The following CCDC60 variants were observed in gnomAD, a reference collection of about 807,000 sequenced individuals.
CCDC60 encodes the protein coiled-coil domain containing 60.
CCDC60 carries 54 observed loss-of-function variants against 63.5 expected under a neutral mutation model. That is an observed-to-expected ratio of 0.85 (90% confidence interval 0.68 to 1.07). CCDC60 has a LOEUF of 1.07. CCDC60 is among the 50% of genes least tolerant of loss of function. The pLI, the probability that CCDC60 is intolerant of heterozygous loss-of-function variation, is 0.00. For missense variants in CCDC60, 651 were observed against 684.3 expected, an observed-to-expected ratio of 0.95 and a Z score of 0.54; for synonymous variants, 206 against 238.8, an observed-to-expected ratio of 0.86 and a Z score of 1.27.
chr12:119,391,027 G>A (rs1294995956), intron 1 of CCDC60, among the ~76,000 whole-genome samples: 1 of 152,182 alleles, frequency 6.6e-6, no homozygotes, highest in Admixed American at 6.5e-5. Context: ...TTTAGGTTAG[G>A]TCTTAACCAC....
intron 1 of CCDC60, among the ~76,000 whole-genome samples, chr12:119,384,514 C>G (rs1956040417): frequency 6.6e-6 from 1 of 152,188 alleles, no homozygotes; most frequent in Non-Finnish European, 1.5e-5. Flanking sequence ...CCACTGACAG[C>G]AGATCAAGGC....
chr12:119,474,625 T>C (rs1951137073), intron 3 of CCDC60, among the ~76,000 whole-genome samples: 1 of 152,188 alleles, frequency 6.6e-6, no homozygotes, highest in Non-Finnish European at 1.5e-5. Context: ...GAGGTTATGG[T>C]TGTACAACAT....
chr12:119,490,123 C>T (rs1228218011), intron 5 of CCDC60, among the ~76,000 whole-genome samples: 1 of 152,138 alleles, frequency 6.6e-6, no homozygotes, highest in East Asian at 1.9e-4. Flanking sequence ...TAACTTCTTC[C>T]TCTTGAAGAC....
chr12:119,462,740 C>T (rs1950877956), intron 2 of CCDC60, among the ~76,000 whole-genome samples: 2 of 152,124 alleles, frequency 1.3e-5, no homozygotes, highest in Non-Finnish European at 2.9e-5. Context: ...CCTGCCTCAG[C>T]CTTTCAAGTA....
intron 1 of CCDC60, among the ~76,000 whole-genome samples, chr12:119,402,047 G>C (rs1487994002): frequency 6.6e-6 from 1 of 152,188 alleles, no homozygotes; most frequent in East Asian, 1.9e-4. Flanking sequence ...ATCACTGGAG[G>C]TGCAGCCTCA....
rs574676563 is a variant in CCDC60 at position 119,529,199 on chromosome 12, A to G, written c.1361+453A>G. 1.8e-3 allele frequency among the ~76,000 whole-genome samples: 272 copies of G among 152,340 alleles called. 1 individual carries two copies. The highest frequency in any genetic ancestry group is 5.9e-3 in the African/African-American group (245 of 41,570). ...CCACAGCATAAGGGTGATGATAAGT[A>G]ACAACAAAAAAAGCAACATGAATTG... On this transcript the variant is annotated intron_variant, in intron 12 of 13. Coordinates refer to ENST00000327554, the MANE Select transcript of CCDC60 (RefSeq NM_178499.5).
chr12:119,451,701 A>C lies in CCDC60; in HGVS notation c.171-20293A>C, dbSNP rs866357556. On this transcript the variant is annotated intron_variant, in intron 2 of 13. Transcript: ENST00000327554. ...TTTGTATCTTTCCTCAGCATGGCACAGCACCTTTTACACAGTCAGTGTCCA... is the reference window on the plus strand; with the variant it reads ...TTTGTATCTTTCCTCAGCATGGCACCGCACCTTTTACACAGTCAGTGTCCA... Among the ~76,000 whole-genome samples, 8 of 152,352 alleles carry C rather than the reference A, an allele frequency of 5.3e-5. No homozygotes were observed. In the South Asian group the frequency reaches 1.5e-3, roughly 28 times the overall value.
chr12:119,347,258 GA>G (rs908849583), intron 1 of CCDC60, among the ~76,000 whole-genome samples: 9 of 152,142 alleles, frequency 5.9e-5, no homozygotes, highest in African/African-American at 2.2e-4. Flanking sequence ...AAATGGAGAG[GA>G]AGACAGGCCC....
At chr12:119,521,030 A>G (rs1007294549) in intron 9 of CCDC60, among the ~76,000 whole-genome samples, 1 of 152,320 alleles carries the variant, frequency 6.6e-6, no homozygotes, top group East Asian at 1.9e-4. Flanking sequence ...TTTAAGAAAA[A>G]TGCTTTTAAA....
At chr12:119,395,398 A>G (rs769702441) in intron 1 of CCDC60, among the ~76,000 whole-genome samples, 6 of 152,224 alleles carry the variant, frequency 3.9e-5, no homozygotes, top group African/African-American at 1.4e-4. Flanking sequence ...CAGGAAACTT[A>G]TAACCATGGC....
intron 4 of CCDC60, among the ~76,000 whole-genome samples, chr12:119,484,327 C>G (rs968019668): frequency 7.9e-5 from 12 of 152,152 alleles, no homozygotes; most frequent in African/African-American, 2.7e-4. Flanking sequence ...AGTAAGGACT[C>G]TTATGGGAAA....
intron 11 of CCDC60, 23 bp downstream of exon 11, chr12:119,523,841 T>C (rs1468024434): frequency 6.2e-7 from 1 of 1,612,500 alleles, no homozygotes; most frequent in African/African-American, 1.3e-5. Context: ...ATATATCCAT[T>C]CATTCAAACA....
At chr12:119,340,462 G>A (rs1955520171) in intron 1 of CCDC60, among the ~76,000 whole-genome samples, 1 of 152,158 alleles carries the variant, frequency 6.6e-6, no homozygotes, top group African/African-American at 2.4e-5. Context: ...GGTGCCTGAA[G>A]AAGGGGGCAA....
intron 1 of CCDC60, among the ~76,000 whole-genome samples, chr12:119,340,814 G>A (rs187137024): frequency 3.9e-5 from 6 of 152,226 alleles, no homozygotes; most frequent in Non-Finnish European, 2.9e-5. Flanking sequence ...TGACGTCAGC[G>A]CTCAGTGATC....
intron 4 of CCDC60, among the ~76,000 whole-genome samples, chr12:119,480,851 T>C (rs1951296998): frequency 6.9e-6 from 1 of 144,896 alleles, no homozygotes; most frequent in African/African-American, 2.6e-5. Flanking sequence ...CTCACCACCA[T>C]CATCACTGTC....
intron 2 of CCDC60, among the ~76,000 whole-genome samples, chr12:119,469,823 G>A (rs1951022180): frequency 6.6e-6 from 1 of 152,232 alleles, no homozygotes; most frequent in African/African-American, 2.4e-5. Flanking sequence ...CAGAATTAGT[G>A]AACACAGGCC....
chr12:119,473,627 C>T (rs955865999), intron 3 of CCDC60, among the ~76,000 whole-genome samples: 19 of 152,128 alleles, frequency 1.2e-4, no homozygotes, highest in African/African-American at 4.3e-4. Context: ...CCCCAGGAGT[C>T]CCCAGAGTCC....
At chr12:119,531,195 G>C in intron 13 of CCDC60, 132 bp downstream of exon 13, 1 of 747,520 alleles carries the variant, frequency 1.3e-6, no homozygotes, top group Non-Finnish European at 2.2e-6. Flanking sequence ...TCTAATAGTA[G>C]AGGGATTGTC....
At chr12:119,359,614 G>A (rs1457582157) in intron 1 of CCDC60, among the ~76,000 whole-genome samples, 1 of 151,560 alleles carries the variant, frequency 6.6e-6, no homozygotes, top group African/African-American at 2.4e-5. Context: ...GACAATAGTG[G>A]AGGGAAGGTC....
Sources: allele counts gnomAD v4.1 joint callset (sites outside exome capture counted in the v4.1 genomes callset), GRCh38; gene constraint gnomAD v4.1.1; transcripts MANE v1.5; gene names NCBI Gene and HGNC (gene_info 2026-07-23, HGNC 2026-07-21).